The following GUCY2F variants were observed in gnomAD, a reference collection of about 807,000 sequenced individuals.
GUCY2F encodes retinal guanylyl cyclase 2.
In GUCY2F, 61 loss-of-function variants were observed where a neutral mutation model predicts 73.1. The observed-to-expected ratio is 0.83, with a 90% CI of 0.68 to 1.03. GUCY2F has a LOEUF of 1.03. Ranked by LOEUF, GUCY2F falls within the 50% of genes least tolerant of loss-of-function variation. The pLI is 0.00. For missense variants in GUCY2F, 912 were observed against 854.3 expected (o/e 1.07, Z -0.84); for synonymous variants, 331 against 307.8 (o/e 1.08, Z -0.79).
At chrX:109,439,650 C>T (rs1054516853) in intron 7 of GUCY2F, among the ~76,000 whole-genome samples, 1 of 111,315 alleles carries the variant, frequency 9.0e-6, no homozygotes, top group Non-Finnish European at 1.9e-5. Flanking sequence ...AGATTTCTTC[C>T]ACCAAAAATC....
intron 3 of GUCY2F, among the ~76,000 whole-genome samples, chrX:109,462,675 T>C (rs1028905732): frequency 2.7e-5 from 3 of 111,933 alleles, no homozygotes; most frequent in Non-Finnish European, 5.6e-5. Flanking sequence ...AAAATACCTG[T>C]TCATATATAT....
At position 109,398,572 on chromosome X, in the gene GUCY2F, C is replaced by A; in HGVS notation, c.2252G>T (p.Cys751Phe). Residue 751 changes from cysteine (C) to phenylalanine (F), a missense_variant, in exon 11 of 20, where the codon TGC (cysteine) becomes TTC (phenylalanine). Cys to Phe is a radical substitution (Grantham distance 205). Transcript: ENST00000218006. Reference sequence around the variant, plus strand: ...ACCTTGAGCTGGCAGATCCATCATGCAGAATGGGGTACCCCGGACCATCAC... The same window carrying A: ...ACCTTGAGCTGGCAGATCCATCATGAAGAATGGGGTACCCCGGACCATCAC... ...QEVMVRGTPF[C>F]MMDLPAQEII... is the part of the protein sequence containing the mutation. 8.3e-7 allele frequency: 1 copy of A among 1,209,236 alleles called. No individual in the cohort carries two copies. Among genetic ancestry groups the A allele is most frequent in the Non-Finnish European group, 1.1e-6 (1 of 893,799 alleles).
chrX:109,472,202 C>T (rs1160006756), intron 2 of GUCY2F, among the ~76,000 whole-genome samples: 1 of 109,055 alleles, frequency 9.2e-6, no homozygotes, highest in Non-Finnish European at 1.9e-5. Context: ...CCTCCCACAC[C>T]ATCACTACAA....
intron 5 of GUCY2F, among the ~76,000 whole-genome samples, chrX:109,448,818 T>A (rs1163374762): frequency 8.9e-6 from 1 of 112,204 alleles, no homozygotes; most frequent in Non-Finnish European, 1.9e-5. Flanking sequence ...TCCAAACAAG[T>A]AGGCTGACTG....
chrX:109,424,769 CTTT>C (rs758625693), intron 8 of GUCY2F, among the ~76,000 whole-genome samples: 2 of 101,248 alleles, frequency 2.0e-5, no homozygotes, highest in Admixed American at 1.1e-4. Context: ...ACAGGGAACA[CTTT>C]TTTTTTTTTT....
At chrX:109,417,111 G>A (rs993037688) in intron 8 of GUCY2F, among the ~76,000 whole-genome samples, 10 of 110,764 alleles carry the variant, frequency 9.0e-5, no homozygotes, top group African/African-American at 3.3e-4. Flanking sequence ...ATGCCTAAGG[G>A]GAGGATCTTC....
At position 109,447,992 on chromosome X, in the gene GUCY2F, G is replaced by A. The variant is rs146095242; in HGVS notation, c.1569+77C>T. ...ACATCACAATTCAGACTAGCCACAC[G>A]TCAAGTGCTGAGTAATTATTTGTGG... On this transcript the variant is annotated intron_variant, in intron 6 of 19. Transcript: ENST00000218006. 7.3e-4 allele frequency: 393 copies of A among 536,915 alleles called. 2 individuals are homozygous for A. In the African/African-American group the frequency reaches 8.3e-3, roughly 11 times the overall value. 44.2% of individuals were successfully genotyped at this position (536,915 alleles called of 1,213,427 possible).
rs780997347 is a variant in GUCY2F at position 109,472,947 on chromosome X, T to G, written c.730+2260A>C. Reference sequence around the variant, plus strand: ...GTTGGCATGCCCTCAGATACAGACATGTGCCTGTACCATGTATGGGTATTA... The same window carrying G: ...GTTGGCATGCCCTCAGATACAGACAGGTGCCTGTACCATGTATGGGTATTA... On this transcript the variant is annotated intron_variant, in intron 2 of 19. Coordinates refer to ENST00000218006, the MANE Select transcript of GUCY2F (RefSeq NM_001522.3). 2.6e-4 allele frequency among the ~76,000 whole-genome samples: 29 copies of G among 111,162 alleles called. 1 individual carries two copies. The highest frequency in any genetic ancestry group is 4.7e-4 in the Non-Finnish European group (25 of 52,998).
In GUCY2F at chrX:109,448,122, T is replaced by C; in HGVS notation, c.1516A>G (p.Ile506Val). ...GTTACATCCTCCAAAGTCAGTAGAA[T>C]TCTATTGGGTCCTTTGATCAACTGG... Reference protein sequence around the residue: ...KIQLIKGPNRILLTLEDVTFI... With the variant: ...KIQLIKGPNRVLLTLEDVTFI... Residue 506 changes from isoleucine to valine, a missense_variant, in exon 6 of 20, where the codon ATT becomes GTT. Physicochemically the swap from Ile to Val is conservative, Grantham distance 29 (BLOSUM62 3). Transcript: ENST00000218006. The C allele has an allele frequency of 2.7e-6, 3 of 1,131,235 alleles. No homozygotes were observed. Among genetic ancestry groups the C allele is most frequent in the South Asian group, 3.6e-5 (2 of 55,047 alleles). The allele number at this position is 1,131,235 out of a possible 1,213,427, so 93.2% of individuals were successfully genotyped here.
Position 109,468,412 on chromosome X carries a change from G to A in GUCY2F, c.731-2969C>T, listed in dbSNP as rs894865301. ...TGTTTGTAAACTAACAGCCTCTTCA[G>A]GAAGAGAGCTTGTACACTTGGGTAT... On this transcript the variant is annotated intron_variant, in intron 2 of 19. Coordinates refer to ENST00000218006, the MANE Select transcript of GUCY2F (RefSeq NM_001522.3). 2.7e-5 allele frequency among the ~76,000 whole-genome samples: 3 copies of A among 111,919 alleles called. No individual in the cohort carries two copies. In the Admixed American group the frequency reaches 2.9e-4, roughly 11 times the overall value.
intron 6 of GUCY2F, among the ~76,000 whole-genome samples, chrX:109,445,860 T>C (rs1283725531): frequency 8.9e-6 from 1 of 111,784 alleles, no homozygotes; most frequent in Non-Finnish European, 1.9e-5. Flanking sequence ...GACATGATTG[T>C]ATATTTAGAA....
intron 17 of GUCY2F, among the ~76,000 whole-genome samples, chrX:109,378,761 G>A (rs1032563972): frequency 3.6e-5 from 4 of 111,715 alleles, no homozygotes; most frequent in African/African-American, 1.3e-4. Context: ...TCAAAGACAA[G>A]TTCAGAAAGT....
intron 10 of GUCY2F, among the ~76,000 whole-genome samples, chrX:109,399,501 T>G (rs762705118): frequency 8.9e-6 from 1 of 112,400 alleles, no homozygotes; most frequent in Non-Finnish European, 1.9e-5. Context: ...TTTATGGCAG[T>G]GAGAATGTCA....
chrX:109,451,392 C>T (rs1405663802), intron 5 of GUCY2F, among the ~76,000 whole-genome samples: 1 of 111,496 alleles, frequency 9.0e-6, no homozygotes, highest in Non-Finnish European at 1.9e-5. Context: ...GAATGTGATA[C>T]CCTGGACAAA....
Position 109,426,164 on chromosome X carries a change from G to A in GUCY2F, c.1791+4143C>T, listed in dbSNP as rs536786221. ...CATACAGAACTAGAGTTTTGCAAGT[G>A]TGTCTGACCAAAAAGACAGAAATAT... is the stretch of plus-strand genomic sequence containing the variant. On this transcript the variant is annotated intron_variant, in intron 8 of 19. Transcript: ENST00000218006. Among the ~76,000 whole-genome samples, 8 of 112,119 alleles carry A rather than the reference G, an allele frequency of 7.1e-5. No homozygotes were observed. In the South Asian group the frequency reaches 3.0e-3, roughly 42 times the overall value.
At chrX:109,409,454 A>T (rs963757036) in intron 8 of GUCY2F, among the ~76,000 whole-genome samples, 7 of 111,742 alleles carry the variant, frequency 6.3e-5, no homozygotes. Context: ...AAATATGAGG[A>T]CTCAACAGAC....
intron 8 of GUCY2F, among the ~76,000 whole-genome samples, chrX:109,421,103 T>C (rs1209906464): frequency 2.7e-5 from 3 of 111,488 alleles, no homozygotes; most frequent in Non-Finnish European, 5.7e-5. Flanking sequence ...CTACAGAAAA[T>C]AAGTGTTGGC....
In GUCY2F at chrX:109,392,973, T is replaced by C; in HGVS notation, c.2507A>G (p.Glu836Gly). The C allele has an allele frequency of 8.7e-7, 1 of 1,143,076 alleles. No individual in the cohort carries two copies. Among genetic ancestry groups the C allele is most frequent in the Non-Finnish European group, 1.2e-6 (1 of 832,955 alleles). 94.2% of individuals were successfully genotyped at this position (1,143,076 alleles called of 1,213,427 possible). A position where few individuals can be genotyped will look rare whatever the true frequency, so the allele number is the denominator to read the frequency against. ...TTCAGTCCGCTCCCGAATCAAATCTTCCAAGTTGCTAGAATATTGCTCCAA... is the reference window on the plus strand; with the variant it reads ...TTCAGTCCGCTCCCGAATCAAATCTCCCAAGTTGCTAGAATATTGCTCCAA... ...RMLEQYSSNL[E>G]DLIRERTEEL... The change falls in exon 13 of 20, where the codon GAA (glutamate) becomes GGA (glycine). Residue 836 changes from glutamate (E) to glycine (G), a missense_variant. Coordinates refer to ENST00000218006, the MANE Select transcript of GUCY2F (RefSeq NM_001522.3).
At chrX:109,385,989 A>AG (rs1177460683) in intron 15 of GUCY2F, among the ~76,000 whole-genome samples, 7 of 110,418 alleles carry the variant, frequency 6.3e-5, no homozygotes, top group South Asian at 7.7e-4. Context: ...AAAAAGAGAT[A>AG]GGGGGTCTCA....
Sources: allele counts gnomAD v4.1 joint callset (sites outside exome capture counted in the v4.1 genomes callset), GRCh38; gene constraint gnomAD v4.1.1; transcripts MANE v1.5; gene names NCBI Gene and HGNC (gene_info 2026-07-23, HGNC 2026-07-21).